Variants in PTPRG observed in about 807,000 individuals in gnomAD.
PTPRG encodes receptor-type tyrosine-protein phosphatase gamma.
In PTPRG, 102 loss-of-function variants were observed where a neutral mutation model predicts 165.3. The ratio of observed to expected loss-of-function variants is 0.62; its 90% CI spans 0.53 to 0.73. The LOEUF is 0.73. PTPRG is among the 30% of genes least tolerant of loss of function. The pLI, the probability that PTPRG is intolerant of heterozygous loss-of-function variation, is 0.00. For synonymous variants in PTPRG, 675 were observed against 669.5 expected (o/e 1.01, Z -0.13); for missense variants, 1,866 against 1,861.4 (o/e 1.00, Z -0.05).
chr3:61,651,471 C>T (rs1043299283), intron 1 of PTPRG, among the ~76,000 whole-genome samples: 1 of 151,708 alleles, frequency 6.6e-6, no homozygotes, highest in Non-Finnish European at 1.5e-5. Context: ...TTATCCTGAA[C>T]GGGCCTGATG....
intron 2 of PTPRG, among the ~76,000 whole-genome samples, chr3:61,758,868 C>A (rs1462960823): frequency 1.3e-5 from 2 of 152,078 alleles, no homozygotes; most frequent in African/African-American, 4.8e-5. Context: ...TTAGAATTGC[C>A]AATATGTAGT....
chr3:62,195,307 A>T lies in PTPRG; in HGVS notation c.1327+137A>T, dbSNP rs922395397. On this transcript the variant is annotated intron_variant, in intron 10 of 29. Coordinates refer to ENST00000474889, the MANE Select transcript of PTPRG (RefSeq NM_002841.4). This position sits in a 1 kb window ranked among gnomAD's most constrained non-coding sequence, Gnocchi z 4.4. ...GAATCAGTGTAGGGTTTTAAAGCCT[A>T]TGCGGGAAGCCCTAGTAATTTAGGT... The T allele has an allele frequency of 5.4e-6, 4 of 743,386 alleles. No individual in the cohort carries two copies. The highest frequency in any genetic ancestry group is 1.9e-5 in the South Asian group (1 of 53,890). The allele number at this position is 743,386 out of a possible 1,614,324, so 46.0% of individuals were successfully genotyped here.
chr3:61,971,335 G>C (rs1264199725), intron 2 of PTPRG, among the ~76,000 whole-genome samples: 2 of 152,190 alleles, frequency 1.3e-5, no homozygotes, highest in Non-Finnish European at 2.9e-5. Flanking sequence ...GGCCATATCT[G>C]AGTGAAGGAC....
At chr3:61,606,923 C>T (rs1295650537) in intron 1 of PTPRG, among the ~76,000 whole-genome samples, 6 of 152,210 alleles carry the variant, frequency 3.9e-5, no homozygotes, top group Admixed American at 3.9e-4. Context: ...ATGCCTTACT[C>T]TTAATGATCA....
intron 1 of PTPRG, among the ~76,000 whole-genome samples, chr3:61,703,385 G>C (rs2031080763): frequency 6.6e-6 from 1 of 152,200 alleles, no homozygotes; most frequent in African/African-American, 2.4e-5. Flanking sequence ...AATTTCATAA[G>C]ATTGGTTTTG....
intron 2 of PTPRG, among the ~76,000 whole-genome samples, chr3:61,847,461 C>T (rs1226811463): frequency 6.6e-6 from 1 of 152,134 alleles, no homozygotes; most frequent in Non-Finnish European, 1.5e-5. Context: ...TTGTTTTAGG[C>T]ACCCAGTTTG....
intron 1 of PTPRG, among the ~76,000 whole-genome samples, chr3:61,712,971 G>T (rs971427671): frequency 6.6e-6 from 1 of 152,132 alleles, no homozygotes; most frequent in South Asian, 2.1e-4. Context: ...GGGGTAGGTT[G>T]TAGGCATGGT....
intron 5 of PTPRG, among the ~76,000 whole-genome samples, chr3:62,129,368 G>T (rs1049800346): frequency 2.0e-5 from 3 of 152,072 alleles, no homozygotes; most frequent in Non-Finnish European, 4.4e-5. Context: ...AAAAGTTCCT[G>T]TCGTAGTCTT....
At chr3:62,093,545 T>G (rs535620102) in intron 5 of PTPRG, among the ~76,000 whole-genome samples, 1 of 152,318 alleles carries the variant, frequency 6.6e-6, no homozygotes, top group South Asian at 2.1e-4. Context: ...GGTATGAGAT[T>G]TGCTCATAAG....
chr3:62,260,886 T>G (rs750121480), intron 16 of PTPRG: 1 of 152,198 alleles, frequency 6.6e-6, no homozygotes, highest in African/African-American at 2.4e-5. Context: ...TTGACAATAT[T>G]TATTACGATT....
At chr3:62,171,851 C>T (rs555486525) in intron 8 of PTPRG, among the ~76,000 whole-genome samples, 1 of 152,098 alleles carries the variant, frequency 6.6e-6, no homozygotes, top group African/African-American at 2.4e-5. Context: ...TTCATCACCC[C>T]AAAAAGAAAC....
intron 2 of PTPRG, among the ~76,000 whole-genome samples, chr3:61,975,213 C>T (rs1559723186): frequency 6.6e-6 from 1 of 152,160 alleles, no homozygotes. Flanking sequence ...AAACCGTTTA[C>T]TAGGGGAATG....
chr3:62,216,629 C>A (rs1218984531), intron 12 of PTPRG, among the ~76,000 whole-genome samples: 1 of 150,466 alleles, frequency 6.6e-6, no homozygotes, highest in Non-Finnish European at 1.5e-5. Flanking sequence ...AACTCTGGTT[C>A]CTCTGGCCAG....
intron 4 of PTPRG, among the ~76,000 whole-genome samples, chr3:62,019,454 T>C (rs2041630663): frequency 7.2e-6 from 1 of 138,896 alleles, no homozygotes; most frequent in East Asian, 2.1e-4. Context: ...ACTCAGGGGG[T>C]GGAGGTTGCA....
intron 1 of PTPRG, among the ~76,000 whole-genome samples, chr3:61,647,791 C>CA (rs58020589): frequency 0.012 from 1,091 of 93,124 alleles, 44 homozygotes; most frequent in African/African-American, 0.045. Context: ...GACTCCGTCT[C>CA]AAAAAAAAAA....
rs575224393 is a variant in PTPRG at position 62,011,920 on chromosome 3, A to G, written c.519+8423A>G. ...GTGTGCTGATAGCTGTTTGAATCATACCAAAAACTACAGTAAAGAAGATGG... is the reference window on the plus strand; with the variant it reads ...GTGTGCTGATAGCTGTTTGAATCATGCCAAAAACTACAGTAAAGAAGATGG... On this transcript the variant is annotated intron_variant, in intron 4 of 29. Coordinates refer to ENST00000474889, the MANE Select transcript of PTPRG (RefSeq NM_002841.4). Among the ~76,000 whole-genome samples, 5 of 152,278 alleles carry G rather than the reference A, an allele frequency of 3.3e-5. 1 individual carries two copies. The South Asian group carries it at 8.3e-4, about 25-fold the overall frequency.
chr3:62,041,736 T>C (rs2107803604), intron 4 of PTPRG, among the ~76,000 whole-genome samples: 1 of 152,042 alleles, frequency 6.6e-6, no homozygotes, highest in East Asian at 1.9e-4. Context: ...GATATGACGG[T>C]GGTAATGATC....
intron 2 of PTPRG, among the ~76,000 whole-genome samples, chr3:61,758,696 G>A (rs867594264): frequency 2.5e-4 from 38 of 151,956 alleles, no homozygotes; most frequent in Middle Eastern, 6.8e-3. Flanking sequence ...CAGGTGATCC[G>A]CCCACCTCAG....
chr3:62,117,549 T>C (rs1293973966), intron 5 of PTPRG, among the ~76,000 whole-genome samples: 3 of 152,164 alleles, frequency 2.0e-5, no homozygotes, highest in Non-Finnish European at 4.4e-5. Context: ...TTGTGCAGTT[T>C]TTTATCATTA....
Sources: gnomAD v4.1 joint callset for allele counts (sites outside exome capture counted in the v4.1 genomes callset) on GRCh38, gnomAD v4.1.1 for gene constraint, Gnocchi (gnomAD v3.1) non-coding constraint, MANE v1.5 for transcripts, NCBI Gene and HGNC (gene_info 2026-07-23, HGNC 2026-07-21) for gene names.